The following CCDC62 variants were observed in gnomAD, a reference collection of about 807,000 sequenced individuals.
CCDC62 encodes coiled-coil domain containing 62.
A neutral mutation model predicts 80.8 loss-of-function variants in CCDC62; 72 were observed. That is an observed-to-expected ratio of 0.89 (90% confidence interval 0.74 to 1.08). The LOEUF is 1.08. Ranked by LOEUF, CCDC62 falls within the 50% of genes least tolerant of loss-of-function variation. CCDC62 has a pLI of 0.00. For synonymous variants in CCDC62, 286 were observed against 296.5 expected, an observed-to-expected ratio of 0.96 and a Z score of 0.36; for missense variants, 704 against 809.4, an observed-to-expected ratio of 0.87 and a Z score of 1.58.
chr12:122,819,393 G>C (rs1318170225), intron 11 of CCDC62, among the ~76,000 whole-genome samples: 2 of 152,186 alleles, frequency 1.3e-5, no homozygotes, highest in Non-Finnish European at 2.9e-5. Context: ...TTGCCAGGGA[G>C]CAGGCAATGA....
chr12:122,774,610 G>A lies in CCDC62; in HGVS notation c.-61G>A. The A allele has an allele frequency of 8.3e-7, 1 of 1,206,472 alleles. No individual in the cohort carries two copies. The highest frequency in any genetic ancestry group is 1.0e-6 in the Non-Finnish European group (1 of 954,138). 74.7% of individuals were successfully genotyped at this position (1,206,472 alleles called of 1,614,324 possible). On this transcript the variant is annotated 5_prime_UTR_variant, in exon 1 of 13. Transcript: ENST00000253079. The stretch of plus-strand genomic sequence containing the variant: ...CCCCGCCGCTCGGGGCAGGCGCGCC[G>A]ATGGCGTTTCTGAGGTGACGCCGCC...
intron 8 of CCDC62, among the ~76,000 whole-genome samples, chr12:122,799,502 T>G (rs1040896122): frequency 2.0e-5 from 3 of 152,208 alleles, no homozygotes. Context: ...CTTGCCTTAT[T>G]AATAGGAAAC....
At chr12:122,777,415 T>C (rs12307038) in intron 1 of CCDC62, 76 bp from the exon 2 acceptor site, 75,119 of 1,292,004 alleles carry the variant, frequency 0.058, 3,327 homozygotes, top group East Asian at 0.27. Flanking sequence ...AAGATATACT[T>C]ATTTGGAAAA....
intron 11 of CCDC62, among the ~76,000 whole-genome samples, chr12:122,816,431 T>A (rs934478903): frequency 6.6e-5 from 10 of 152,198 alleles, no homozygotes; most frequent in Admixed American, 3.3e-4. Flanking sequence ...TACATTTTTT[T>A]AATTGAGATA....
At chr12:122,794,395 A>G (rs950008248) in intron 6 of CCDC62, among the ~76,000 whole-genome samples, 1 of 151,960 alleles carries the variant, frequency 6.6e-6, no homozygotes, top group African/African-American at 2.4e-5. Flanking sequence ...AGGTTCCACT[A>G]TGTTGCCCAG....
chr12:122,792,221 T>TC (rs2030668209), intron 6 of CCDC62, 100 bp downstream of exon 6: 1 of 555,288 alleles, frequency 1.8e-6, no homozygotes. Flanking sequence ...TTTTTTTTTT[T>TC]GAGACAGGGT....
chr12:122,792,030 T>G lies in CCDC62; in HGVS notation c.681T>G (p.Asn227Lys). The change falls in exon 6 of 13, where the codon AAT (asparagine) becomes AAG (lysine). Residue 227 changes from asparagine (N) to lysine (K), a missense_variant. By Grantham distance (94) the Asn-to-Lys change is moderately conservative. Coordinates refer to ENST00000253079, the MANE Select transcript of CCDC62 (RefSeq NM_201435.5). ...IEVNKLKEDLNEKTTENNEQR... is the reference protein window; with the variant it reads ...IEVNKLKEDLKEKTTENNEQR... Reference sequence around the variant, plus strand: ...TCTTCTGTTGTGAAGAGGACCTCAATGAAAAGACGACAGAAAATAATGAGC... The same window carrying G: ...TCTTCTGTTGTGAAGAGGACCTCAAGGAAAAGACGACAGAAAATAATGAGC... 4.3e-6 allele frequency: 7 copies of G among 1,613,280 alleles called. No homozygotes were observed. The highest frequency in any genetic ancestry group is 5.9e-6 in the Non-Finnish European group (7 of 1,179,274).
intron 11 of CCDC62, among the ~76,000 whole-genome samples, chr12:122,815,826 T>G (rs759217912): frequency 2.0e-5 from 3 of 152,180 alleles, no homozygotes; most frequent in South Asian, 2.1e-4. Flanking sequence ...GTTTTATTCC[T>G]TTTTCCAATA....
At chr12:122,822,103 C>CT (rs60304984) in intron 11 of CCDC62, among the ~76,000 whole-genome samples, 5 of 102,340 alleles carry the variant, frequency 4.9e-5, no homozygotes, top group Non-Finnish European at 8.0e-5. Flanking sequence ...CATTATTTAT[C>CT]TTTTTTTTTT....
At chr12:122,817,967 C>T (rs1349940271) in intron 11 of CCDC62, among the ~76,000 whole-genome samples, 3 of 152,026 alleles carry the variant, frequency 2.0e-5, no homozygotes, top group East Asian at 3.9e-4. Context: ...CTGCCACAGG[C>T]GGTCTCAGGG....
rs370094225 is a variant in CCDC62, at chr12:122,797,404, C to G, written c.861+9C>G. 7 of 1,483,430 alleles carry G rather than the reference C, an allele frequency of 4.7e-6. No homozygotes were observed. Among genetic ancestry groups the G allele is most frequent in the Non-Finnish European group, 6.6e-6 (7 of 1,062,918 alleles). The allele number at this position is 1,483,430 out of a possible 1,614,324, so 91.9% of individuals were successfully genotyped here. A position where few individuals can be genotyped will look rare whatever the true frequency, so the allele number is the denominator to read the frequency against. ...TGCACAATCTGAGACAGGTATGTCC[C>G]CAATCATCCTTCTCTGTCACATAAG... On this transcript the variant is annotated intron_variant, in intron 7 of 12. Coordinates refer to ENST00000253079, the MANE Select transcript of CCDC62 (RefSeq NM_201435.5).
Position 122,781,195 on chromosome 12 carries a change from G to A in CCDC62, c.261G>A (p.Arg87=), listed in dbSNP as rs1197755652. Reference sequence around the variant, plus strand: ...TACATAAAAGAACTGAAATAATCAGGTCACTCACGAAGAAGGTAAAAGCTC... The same window carrying A: ...TACATAAAAGAACTGAAATAATCAGATCACTCACGAAGAAGGTAAAAGCTC... The part of the protein sequence containing the change: ...GELHKRTEII[R]SLTKKVKALE... The change falls in exon 3 of 13, where the codon AGG becomes AGA. Residue 87 remains arginine, a synonymous_variant. Coordinates refer to ENST00000253079, the MANE Select transcript of CCDC62 (RefSeq NM_201435.5). 1.2e-6 allele frequency: 2 copies of A among 1,613,876 alleles called. No homozygotes were observed. The highest frequency in any genetic ancestry group is 1.7e-5 in the Admixed American group (1 of 59,968).
chr12:122,816,880 A>G (rs868072499), intron 11 of CCDC62, among the ~76,000 whole-genome samples: 111 of 152,254 alleles, frequency 7.3e-4, no homozygotes, highest in African/African-American at 2.6e-3. Flanking sequence ...TCACCCCAAA[A>G]GGAGACCCCA....
At chr12:122,811,301 TC>T (rs2031869357) in intron 10 of CCDC62, among the ~76,000 whole-genome samples, 1 of 128,800 alleles carries the variant, frequency 7.8e-6, no homozygotes, top group African/African-American at 2.9e-5. Context: ...AACCTCCGCC[TC>T]CCAGGTTCAA....
intron 10 of CCDC62, among the ~76,000 whole-genome samples, chr12:122,809,703 A>G (rs2031784666): frequency 6.6e-6 from 1 of 152,252 alleles, no homozygotes; most frequent in Non-Finnish European, 1.5e-5. Context: ...AAGAGCTCGC[A>G]TTGTCAAGTC....
intron 11 of CCDC62, among the ~76,000 whole-genome samples, chr12:122,816,814 A>G (rs1327411038): frequency 6.6e-6 from 1 of 150,640 alleles, no homozygotes; most frequent in African/African-American, 2.5e-5. Flanking sequence ...TTTTTTTTAA[A>G]TCATATTAAT....
chr12:122,793,672 C>G (rs2030767048), intron 6 of CCDC62, among the ~76,000 whole-genome samples: 1 of 152,016 alleles, frequency 6.6e-6, no homozygotes, highest in Admixed American at 6.6e-5. Flanking sequence ...CCAGGCTGGT[C>G]TCTAGCTCCT....
At chr12:122,797,432 A>G (rs762633258) in intron 7 of CCDC62, 37 bp downstream of exon 7, 1 of 1,155,604 alleles carries the variant, frequency 8.7e-7, no homozygotes, top group East Asian at 2.4e-5. Flanking sequence ...CACATAAGAA[A>G]TGTTTGTAAA....
rs145986227 is a variant in CCDC62 at position 122,806,098 on chromosome 12, A to G, written c.1707-53A>G. The G allele has an allele frequency of 6.1e-5, 93 of 1,519,112 alleles. No individual in the cohort carries two copies. The East Asian group carries it at 2.1e-3, about 34-fold the overall frequency. The allele number at this position is 1,519,112 out of a possible 1,614,324, so 94.1% of individuals were successfully genotyped here. A position where few individuals can be genotyped will look rare whatever the true frequency, so the allele number is the denominator to read the frequency against. On this transcript the variant is annotated intron_variant, in intron 9 of 12. Transcript: ENST00000253079. ...ATACTTTTGAGTATAAGAGTGATCT[A>G]TGTATGATATTGTTTTAAGATATTT...
Sources: allele counts gnomAD v4.1 joint callset (sites outside exome capture counted in the v4.1 genomes callset), GRCh38; gene constraint gnomAD v4.1.1; transcripts MANE v1.5; gene names NCBI Gene and HGNC (gene_info 2026-07-23, HGNC 2026-07-21).